GALNTL6: variants seen among roughly 807,000 people sequenced by gnomAD.
The protein encoded by GALNTL6 is polypeptide N-acetylgalactosaminyltransferase-like 6.
In GALNTL6, 46 loss-of-function variants were observed where a neutral mutation model predicts 73.7. The ratio of observed to expected loss-of-function variants is 0.62; its 90% CI spans 0.49 to 0.80. The LOEUF is 0.80. Ranked by LOEUF, GALNTL6 falls within the 30% of genes least tolerant of loss-of-function variation. The probability of loss-of-function intolerance (pLI) is 0.00; values close to 1 mark genes in which losing one functional copy is unlikely to be tolerated. For missense variants in GALNTL6, 604 were observed against 755.0 expected, an observed-to-expected ratio of 0.80 and a Z score of 2.34; for synonymous variants, 259 against 263.7, an observed-to-expected ratio of 0.98 and a Z score of 0.17.
At chr4:172,598,498 A>C (rs998629159) in intron 5 of GALNTL6, among the ~76,000 whole-genome samples, 2 of 152,202 alleles carry the variant, frequency 1.3e-5, no homozygotes, top group Non-Finnish European at 2.9e-5. Context: ...GACCAGTTGC[A>C]GAGCCCAGTG....
chr4:172,234,858 G>A (rs1403126289), intron 3 of GALNTL6, among the ~76,000 whole-genome samples: 1 of 151,958 alleles, frequency 6.6e-6, no homozygotes, highest in East Asian at 1.9e-4. Flanking sequence ...ATTGTTTGTT[G>A]TAAACTAAAA....
intron 5 of GALNTL6, among the ~76,000 whole-genome samples, chr4:172,689,931 A>G (rs938585049): frequency 4.6e-5 from 7 of 152,224 alleles, no homozygotes; most frequent in African/African-American, 1.7e-4. Context: ...ACCAGGATAT[A>G]AAGTATACAA....
intron 5 of GALNTL6, among the ~76,000 whole-genome samples, chr4:172,791,404 T>C (rs1411610515): frequency 6.6e-6 from 1 of 152,056 alleles, no homozygotes; most frequent in Non-Finnish European, 1.5e-5. Context: ...TAAACAACAG[T>C]GGTGGAGGTA....
At chr4:173,016,660 T>C (rs1220729121) in intron 11 of GALNTL6, among the ~76,000 whole-genome samples, 1 of 152,182 alleles carries the variant, frequency 6.6e-6, no homozygotes, top group Non-Finnish European at 1.5e-5. Context: ...CAACTTGCAT[T>C]TGATTTTACA....
chr4:172,191,353 A>G (rs1395450040), intron 2 of GALNTL6, among the ~76,000 whole-genome samples: 1 of 152,160 alleles, frequency 6.6e-6, no homozygotes, highest in Non-Finnish European at 1.5e-5. Context: ...TCACATAATT[A>G]AATATATCCT....
intron 3 of GALNTL6, among the ~76,000 whole-genome samples, chr4:172,285,860 A>T (rs1232610330): frequency 6.6e-6 from 1 of 152,232 alleles, no homozygotes; most frequent in Non-Finnish European, 1.5e-5. Context: ...CAACAGGTAC[A>T]AAGACATCCG....
chr4:172,898,274 A>G (rs1031423021), intron 8 of GALNTL6, among the ~76,000 whole-genome samples: 3 of 134,822 alleles, frequency 2.2e-5, no homozygotes, highest in Non-Finnish European at 4.7e-5. Context: ...TTTGATCAGT[A>G]AAAGTATATA....
chr4:172,452,401 A>AC (rs1004743448), intron 5 of GALNTL6, among the ~76,000 whole-genome samples: 2 of 152,022 alleles, frequency 1.3e-5, no homozygotes, highest in Non-Finnish European at 2.9e-5. Flanking sequence ...GGGCTGCCCT[A>AC]CCCCTAACAA....
chr4:172,368,444 C>T (rs982755918), intron 5 of GALNTL6, among the ~76,000 whole-genome samples: 10 of 152,130 alleles, frequency 6.6e-5, no homozygotes, highest in Admixed American at 5.9e-4. Context: ...AACCTTGCAA[C>T]CTTGCAGTGG....
At chr4:172,258,221 T>G (rs1413173977) in intron 3 of GALNTL6, among the ~76,000 whole-genome samples, 1 of 151,338 alleles carries the variant, frequency 6.6e-6, no homozygotes, top group African/African-American at 2.4e-5. Flanking sequence ...CTACAATTAT[T>G]TGTGATGCCA....
intron 2 of GALNTL6, among the ~76,000 whole-genome samples, chr4:171,915,401 T>C (rs888023762): frequency 1.3e-5 from 2 of 152,192 alleles, no homozygotes; most frequent in African/African-American, 4.8e-5. Context: ...AGGGGCTGAA[T>C]GCAACCTCAG....
chr4:172,758,380 CA>C (rs1280881867), intron 5 of GALNTL6, among the ~76,000 whole-genome samples: 1 of 152,018 alleles, frequency 6.6e-6, no homozygotes, highest in African/African-American at 2.4e-5. Context: ...ACTAAAAACA[CA>C]AAAAATTACC....
At chr4:171,939,290 AT>A (rs1363002943) in intron 2 of GALNTL6, among the ~76,000 whole-genome samples, 4 of 151,746 alleles carry the variant, frequency 2.6e-5, no homozygotes, top group East Asian at 1.9e-4. Flanking sequence ...CAATATACTG[AT>A]TTTTTTTGAT....
chr4:172,259,426 C>A (rs1233422483), intron 3 of GALNTL6, among the ~76,000 whole-genome samples: 1 of 147,016 alleles, frequency 6.8e-6, no homozygotes, highest in East Asian at 2.0e-4. Context: ...CTATTCATGT[C>A]TTTTACCCAC....
chr4:171,883,478 C>A (rs917076504), intron 2 of GALNTL6, among the ~76,000 whole-genome samples: 4 of 152,094 alleles, frequency 2.6e-5, no homozygotes, highest in Non-Finnish European at 5.9e-5. Context: ...TTTATTTGTG[C>A]GATTTGCCTG....
At chr4:172,683,687 G>A (rs1031386394) in intron 5 of GALNTL6, among the ~76,000 whole-genome samples, 1 of 152,152 alleles carries the variant, frequency 6.6e-6, no homozygotes, top group African/African-American at 2.4e-5. Context: ...AATTGTCACA[G>A]TTATATTCCT....
intron 2 of GALNTL6, among the ~76,000 whole-genome samples, chr4:171,856,152 G>A (rs1233023955): frequency 6.6e-6 from 1 of 152,110 alleles, no homozygotes; most frequent in East Asian, 1.9e-4. Context: ...ACCCAGGCTG[G>A]AGTGCAGTGG....
chr4:172,005,310 A>G (rs534992967), intron 2 of GALNTL6, among the ~76,000 whole-genome samples: 3 of 152,040 alleles, frequency 2.0e-5, no homozygotes, highest in Non-Finnish European at 2.9e-5. Context: ...TACTTTTTGT[A>G]TAGATGAGGT....
chr4:172,875,150 C>G (rs1382779501), intron 7 of GALNTL6, among the ~76,000 whole-genome samples: 1 of 152,204 alleles, frequency 6.6e-6, no homozygotes, highest in East Asian at 1.9e-4. Context: ...GCGCTGCTAT[C>G]ACACAGATGG....
Sources: allele counts gnomAD v4.1 joint callset (sites outside exome capture counted in the v4.1 genomes callset), GRCh38; gene constraint gnomAD v4.1.1; transcripts MANE v1.5; gene names NCBI Gene and HGNC (gene_info 2026-07-23, HGNC 2026-07-21).